Variants in MRAS observed in about 807,000 individuals in gnomAD.
MRAS encodes ras-related protein M-Ras.
In MRAS, 4 loss-of-function variants were observed where a neutral mutation model predicts 20.9. The ratio of observed to expected loss-of-function variants is 0.19; its 90% CI spans 0.09 to 0.44. The LOEUF (loss-of-function observed/expected upper bound fraction) is 0.44. Among genes scored for constraint, MRAS ranks in the 20% least tolerant of loss-of-function variants. The pLI is 0.99. For synonymous variants in MRAS, 98 were observed against 102.9 expected, an observed-to-expected ratio of 0.95 and a Z score of 0.29; for missense variants, 154 against 277.5, an observed-to-expected ratio of 0.56 and a Z score of 3.16.
intron 2 of MRAS, among the ~76,000 whole-genome samples, chr3:138,382,307 C>G (rs2054920940): frequency 6.6e-6 from 1 of 152,262 alleles, no homozygotes; most frequent in Non-Finnish European, 1.5e-5. Flanking sequence ...CAAATCCTCT[C>G]TTGCTGTCTG....
intron 2 of MRAS, among the ~76,000 whole-genome samples, chr3:138,393,265 G>C (rs1199328): frequency 6.6e-6 from 1 of 152,142 alleles, no homozygotes; most frequent in Non-Finnish European, 1.5e-5. Context: ...GGGTCTCACT[G>C]TGTTGCCCAG....
At chr3:138,401,506 C>G (rs1005484121) in intron 5 of MRAS, among the ~76,000 whole-genome samples, 35 of 152,168 alleles carry the variant, frequency 2.3e-4, no homozygotes, top group African/African-American at 8.0e-4. Context: ...CTCATCCAGG[C>G]GTAGTGGCTC....
intron 2 of MRAS, among the ~76,000 whole-genome samples, chr3:138,388,003 G>A (rs2055052985): frequency 6.6e-6 from 1 of 152,262 alleles, no homozygotes; most frequent in South Asian, 2.1e-4. Flanking sequence ...AGGAGGTTGG[G>A]GCCACTGGCA....
At position 138,393,888 on chromosome 3, in the gene MRAS, A is replaced by T. The variant is rs147125132; in HGVS notation, c.194-3436A>T. Among the ~76,000 whole-genome samples, 1,344 of 151,994 alleles carry T rather than the reference A, an allele frequency of 8.8e-3. 15 individuals carry two copies. The highest frequency in any genetic ancestry group is 0.031 in the African/African-American group (1,299 of 41,448). On this transcript the variant is annotated intron_variant, in intron 2 of 5. Coordinates refer to ENST00000423968, the MANE Select transcript of MRAS (RefSeq NM_001085049.3). ...GTATTTTTAATAGAGATGGGGTTTCACGATGTTGGCCAGGCTGGTCTTCAA... is the reference window on the plus strand; with the variant it reads ...GTATTTTTAATAGAGATGGGGTTTCTCGATGTTGGCCAGGCTGGTCTTCAA...
chr3:138,395,845 G>A (rs1391020653), intron 2 of MRAS, among the ~76,000 whole-genome samples: 3 of 152,222 alleles, frequency 2.0e-5, no homozygotes, highest in Non-Finnish European at 4.4e-5. Flanking sequence ...TTCCTTAAAT[G>A]AATGACAAGA....
intron 2 of MRAS, among the ~76,000 whole-genome samples, chr3:138,386,996 C>G (rs2055030146): frequency 6.6e-6 from 1 of 152,144 alleles, no homozygotes; most frequent in African/African-American, 2.4e-5. Context: ...CAAACTGTAC[C>G]AGCAGTGTGT....
At chr3:138,387,725 C>G (rs2055046195) in intron 2 of MRAS, among the ~76,000 whole-genome samples, 1 of 152,198 alleles carries the variant, frequency 6.6e-6, no homozygotes, top group Non-Finnish European at 1.5e-5. Flanking sequence ...TGTCCTTTCT[C>G]CTTTCTTCTC....
intron 5 of MRAS, among the ~76,000 whole-genome samples, chr3:138,401,018 A>T (rs1384740249): frequency 6.6e-6 from 1 of 152,134 alleles, no homozygotes; most frequent in South Asian, 2.1e-4. Context: ...TCCCCTGAAC[A>T]ACCAATATTC....
At chr3:138,366,243 C>T (rs1299823336) in intron 1 of MRAS, among the ~76,000 whole-genome samples, 1 of 152,128 alleles carries the variant, frequency 6.6e-6, no homozygotes, top group East Asian at 1.9e-4. Flanking sequence ...GGTCACTCTC[C>T]CCAGCGTGTC....
At chr3:138,368,311 T>G (rs999418819) in intron 1 of MRAS, among the ~76,000 whole-genome samples, 1 of 152,078 alleles carries the variant, frequency 6.6e-6, no homozygotes, top group Non-Finnish European at 1.5e-5. Flanking sequence ...TGTGTATATG[T>G]GTGTGTGTGC....
intron 2 of MRAS, among the ~76,000 whole-genome samples, chr3:138,383,147 G>T (rs746265217): frequency 5.3e-5 from 8 of 152,186 alleles, no homozygotes; most frequent in Non-Finnish European, 1.2e-4. Context: ...GTTCCTTGAG[G>T]AAAAGGACTG....
At chr3:138,364,675 C>G (rs1044173362) in intron 1 of MRAS, among the ~76,000 whole-genome samples, 11 of 152,200 alleles carry the variant, frequency 7.2e-5, no homozygotes, top group African/African-American at 2.4e-4. Context: ...TTCACAGCAG[C>G]TTGGTGCCCC....
chr3:138,378,314 C>A (rs1245282011), intron 2 of MRAS, among the ~76,000 whole-genome samples: 1 of 152,214 alleles, frequency 6.6e-6, no homozygotes, highest in African/African-American at 2.4e-5. Context: ...TCCAGGAAGT[C>A]ACATTGCCTG....
At chr3:138,359,387 AG>A (rs2054399785) in intron 1 of MRAS, among the ~76,000 whole-genome samples, 1 of 152,162 alleles carries the variant, frequency 6.6e-6, no homozygotes, top group African/African-American at 2.4e-5. Context: ...CCTCGTTTTC[AG>A]GAAGTTTCCC....
chr3:138,352,554 G>A (rs1576335304), intron 1 of MRAS, among the ~76,000 whole-genome samples: 2 of 151,906 alleles, frequency 1.3e-5, no homozygotes, highest in African/African-American at 4.8e-5. Context: ...GCTTCTTAAT[G>A]TCCCTATCAT....
chr3:138,373,233 A>G (rs1182296869), intron 2 of MRAS, among the ~76,000 whole-genome samples, 157 bp downstream of exon 2: 1 of 152,180 alleles, frequency 6.6e-6, no homozygotes, highest in African/African-American at 2.4e-5. Flanking sequence ...TGAATTCTCA[A>G]CAGGGAAGGC....
intron 2 of MRAS, among the ~76,000 whole-genome samples, chr3:138,386,497 T>C (rs2055018020): frequency 1.3e-5 from 2 of 152,186 alleles, no homozygotes; most frequent in Non-Finnish European, 2.9e-5. Context: ...TGTTTTTTGT[T>C]TTTGAGATGG....
At chr3:138,399,062 A>G (rs2055304098) in intron 4 of MRAS, among the ~76,000 whole-genome samples, 1 of 152,200 alleles carries the variant, frequency 6.6e-6, no homozygotes, top group Non-Finnish European at 1.5e-5. Context: ...CCATGGCCGG[A>G]TTTGGTGTCC....
chr3:138,381,629 C>T (rs1407492901), intron 2 of MRAS, among the ~76,000 whole-genome samples: 4 of 152,228 alleles, frequency 2.6e-5, no homozygotes, highest in African/African-American at 7.2e-5. Flanking sequence ...AGTCTCCAGA[C>T]ACTGCTTCCT....
Sources: gnomAD v4.1 joint callset for allele counts (sites outside exome capture counted in the v4.1 genomes callset) on GRCh38, gnomAD v4.1.1 for gene constraint, MANE v1.5 for transcripts, NCBI Gene and HGNC (gene_info 2026-07-23, HGNC 2026-07-21) for gene names.